Variants in HSDL2 observed in about 807,000 individuals in gnomAD.
HSDL2 encodes the protein hydroxysteroid dehydrogenase-like protein 2.
HSDL2 carries 27 observed loss-of-function variants against 46.3 expected under a neutral mutation model. The ratio of observed to expected loss-of-function variants is 0.58; its 90% CI spans 0.43 to 0.80. The LOEUF (loss-of-function observed/expected upper bound fraction) is 0.80. HSDL2 is among the 30% of genes least tolerant of loss of function. HSDL2 has a pLI of 0.00. For missense variants in HSDL2, 451 were observed against 502.7 expected (o/e 0.90, Z 0.98); for synonymous variants, 153 against 163.6 (o/e 0.94, Z 0.50).
chr9:112,465,545 A>G (rs1328298368), intron 10 of HSDL2, among the ~76,000 whole-genome samples: 1 of 152,194 alleles, frequency 6.6e-6, no homozygotes, highest in African/African-American at 2.4e-5. Context: ...TACCTGTACC[A>G]TATGTAAGTA....
intron 6 of HSDL2, 68 bp from the exon 7 acceptor site, chr9:112,438,363 G>A (rs1451225369): frequency 4.9e-6 from 5 of 1,029,690 alleles, no homozygotes; most frequent in Non-Finnish European, 6.6e-6. Context: ...GTGCTTGCTT[G>A]TTACTTCCAT....
chr9:112,400,980 A>G (rs890117099), intron 1 of HSDL2, among the ~76,000 whole-genome samples: 2 of 152,186 alleles, frequency 1.3e-5, no homozygotes, highest in Non-Finnish European at 2.9e-5. Context: ...CACCTTCTGA[A>G]GTTAGGACTT....
intron 8 of HSDL2, among the ~76,000 whole-genome samples, chr9:112,447,477 A>T (rs1832780563): frequency 6.6e-6 from 1 of 152,184 alleles, no homozygotes; most frequent in Admixed American, 6.6e-5. Context: ...AAATCACCTG[A>T]AGTAGTTACC....
intron 1 of HSDL2, among the ~76,000 whole-genome samples, chr9:112,391,630 G>C (rs896748666): frequency 6.6e-6 from 1 of 152,054 alleles, no homozygotes; most frequent in African/African-American, 2.4e-5. Context: ...AACCAGCCAG[G>C]CTTGGTGGCT....
chr9:112,451,985 T>G (rs142806054), intron 8 of HSDL2, among the ~76,000 whole-genome samples: 8 of 152,276 alleles, frequency 5.3e-5, no homozygotes, highest in African/African-American at 1.7e-4. Context: ...TACATGTCAA[T>G]AAAAAGCAGT....
In HSDL2 at chr9:112,405,651, C is replaced by A; in HGVS notation, c.209C>A (p.Pro70Gln). 6.2e-7 allele frequency: 1 copy of A among 1,612,624 alleles called. No homozygotes were observed. The highest frequency in any genetic ancestry group is 1.7e-5 in the Admixed American group (1 of 59,864). Reference sequence around the variant, plus strand: ...GAAGCAGTTGGAGGAAAGGCCTTGCCATGTATTGTTGATGTGAGAGATGAA... The same window carrying A: ...GAAGCAGTTGGAGGAAAGGCCTTGCAATGTATTGTTGATGTGAGAGATGAA... ...EIEAVGGKAL[P>Q]CIVDVRDEQQ... Residue 70 changes from proline (P) to glutamine (Q), a missense_variant, in exon 3 of 11, where the codon CCA (proline) becomes CAA (glutamine). Transcript: ENST00000398805.
intron 9 of HSDL2, among the ~76,000 whole-genome samples, chr9:112,454,794 C>A (rs1175287471): frequency 6.6e-6 from 1 of 151,988 alleles, no homozygotes; most frequent in Non-Finnish European, 1.5e-5. Flanking sequence ...CAACCTCTGC[C>A]TCCTGGGTTC....
intron 6 of HSDL2, among the ~76,000 whole-genome samples, chr9:112,422,793 A>G (rs1832154050): frequency 6.6e-6 from 1 of 152,204 alleles, no homozygotes; most frequent in Non-Finnish European, 1.5e-5. Context: ...GAGGGGGAGA[A>G]AGACATCTGG....
chr9:112,401,280 G>C (rs1038644736), intron 1 of HSDL2, among the ~76,000 whole-genome samples: 1 of 151,934 alleles, frequency 6.6e-6, no homozygotes, highest in Non-Finnish European at 1.5e-5. Context: ...GTGACATAGT[G>C]AGACCTTGTT....
chr9:112,398,426 C>T (rs34409309), intron 1 of HSDL2, among the ~76,000 whole-genome samples: 47,514 of 151,482 alleles, frequency 0.31, 8,061 homozygotes, highest in African/African-American at 0.43. Context: ...CTGTCCAAGT[C>T]GGGTCCGTGG....
At chr9:112,431,874 CTTTTTTT>C (rs57619792) in intron 6 of HSDL2, among the ~76,000 whole-genome samples, 1 of 100,116 alleles carries the variant, frequency 1.0e-5, no homozygotes, top group Non-Finnish European at 2.0e-5. Flanking sequence ...GTATTTCTTT[CTTTTTTT>C]TTTTTTTTTT....
intron 6 of HSDL2, among the ~76,000 whole-genome samples, chr9:112,425,470 A>G (rs910298472): frequency 2.6e-5 from 4 of 152,198 alleles, no homozygotes; most frequent in Non-Finnish European, 5.9e-5. Context: ...CCATACAAAT[A>G]TAATGCAACC....
At chr9:112,391,800 G>A (rs143073436) in intron 1 of HSDL2, among the ~76,000 whole-genome samples, 1,637 of 151,664 alleles carry the variant, frequency 0.011, 38 homozygotes, top group African/African-American at 0.038. Flanking sequence ...AGCTACTTGG[G>A]AGGCTGACGC....
intron 6 of HSDL2, among the ~76,000 whole-genome samples, chr9:112,437,059 A>G (rs1268515434): frequency 2.1e-5 from 3 of 145,530 alleles, no homozygotes; most frequent in African/African-American, 7.7e-5. Flanking sequence ...TCCCAGGTTC[A>G]AGCAATTCTC....
intron 4 of HSDL2, among the ~76,000 whole-genome samples, chr9:112,410,304 A>G (rs576957289): frequency 6.6e-6 from 1 of 152,214 alleles, no homozygotes; most frequent in Non-Finnish European, 1.5e-5. Context: ...TGTACCTTAC[A>G]TGTATCTTGT....
intron 4 of HSDL2, among the ~76,000 whole-genome samples, chr9:112,413,476 A>AT (rs1310282456): frequency 5.5e-5 from 8 of 144,404 alleles, no homozygotes; most frequent in African/African-American, 2.1e-4. Flanking sequence ...CAAGTGCGAA[A>AT]TTCCCTCTCA....
chr9:112,462,270 C>T (rs7871659), intron 10 of HSDL2, among the ~76,000 whole-genome samples: 145,426 of 152,252 alleles, frequency 0.96, 69,516 homozygotes, highest in African/African-American at 0.98. Context: ...TTGAGACCAG[C>T]CTGGCCTACA....
intron 1 of HSDL2, among the ~76,000 whole-genome samples, chr9:112,383,878 A>T (rs1223115449): frequency 1.3e-5 from 2 of 151,870 alleles, no homozygotes; most frequent in East Asian, 1.9e-4. Context: ...TTTTTAAAAA[A>T]TTTTTTTGTA....
At chr9:112,410,518 G>A (rs1831836736) in intron 4 of HSDL2, among the ~76,000 whole-genome samples, 2 of 152,162 alleles carry the variant, frequency 1.3e-5, no homozygotes, top group South Asian at 2.1e-4. Flanking sequence ...AAATGTCTAA[G>A]TTATTAAGTT....
Sources: gnomAD v4.1 joint callset for allele counts (sites outside exome capture counted in the v4.1 genomes callset) on GRCh38, gnomAD v4.1.1 for gene constraint, MANE v1.5 for transcripts, NCBI Gene and HGNC (gene_info 2026-07-23, HGNC 2026-07-21) for gene names.